The following ITGA7 variants were observed in gnomAD, a reference collection of about 807,000 sequenced individuals.
ITGA7 encodes the protein integrin subunit alpha 7.
A neutral mutation model predicts 131.6 loss-of-function variants in ITGA7; 84 were observed. That is an observed-to-expected ratio of 0.64 (90% CI 0.54 to 0.77). The LOEUF (loss-of-function observed/expected upper bound fraction) is 0.77. ITGA7 is among the 30% of genes least tolerant of loss of function. The pLI, the probability that ITGA7 is intolerant of heterozygous loss-of-function variation, is 0.00. For synonymous variants in ITGA7, 548 were observed against 600.7 expected (o/e 0.91, Z 1.28); for missense variants, 1,399 against 1,482.9 (o/e 0.94, Z 0.93).
At position 55,685,263 on chromosome 12, in the gene ITGA7, T is replaced by G; in HGVS notation, c.3209A>C (p.His1070Pro). ...GTACTGGGGCACGGTGGCCTCGGGG[T>G]GCTTCGCCCGTTTGAAGAATCCCAT... ...WKMGFFKRAK[H>P]PEATVPQYHA... is the part of the protein sequence containing the mutation. Residue 1070 changes from histidine (H) to proline (P), a missense_variant, in exon 25 of 25, where the codon CAC becomes CCC. His to Pro is a moderately conservative substitution (Grantham distance 77). Transcript: ENST00000257879. 1 of 1,614,126 alleles carries G rather than the reference T, an allele frequency of 6.2e-7. No individual in the cohort carries two copies.
At chr12:55,699,776 G>A in intron 5 of ITGA7, 94 bp downstream of exon 5, 2 of 1,437,398 alleles carry the variant, frequency 1.4e-6, no homozygotes, top group South Asian at 1.2e-5. Context: ...GTTGGGGGAG[G>A]AGGAGATTAT....
At chr12:55,711,102 AGTTACATAAGAT>A (rs1205160119), upstream of ITGA7, among the ~76,000 whole-genome samples, 1 of 152,242 alleles carries the variant, frequency 6.6e-6, no homozygotes, top group African/African-American at 2.4e-5. Flanking sequence ...TTTATGCTAC[AGTTACATAAGAT>A]GTCACCATTA....
At chr12:55,690,219 T>C (rs990031269) in intron 21 of ITGA7, among the ~76,000 whole-genome samples, 20 of 152,088 alleles carry the variant, frequency 1.3e-4, no homozygotes, top group Non-Finnish European at 4.4e-5. Context: ...CGCAACCTAC[T>C]CATCTGACAA....
Position 55,697,442 on chromosome 12 carries a change from C to T in ITGA7, c.1505+9G>A, listed in dbSNP as rs1420614579. Reference sequence around the variant, plus strand: ...GCCAGGGTCCAGGTGCCACCCGATCCCACCTCACCAGACCGAGTGGCCGCC... The same window carrying T: ...GCCAGGGTCCAGGTGCCACCCGATCTCACCTCACCAGACCGAGTGGCCGCC... On this transcript the variant is annotated intron_variant, in intron 10 of 24. Coordinates refer to ENST00000257879, the MANE Select transcript of ITGA7 (RefSeq NM_002206.3). 3 of 1,612,814 alleles carry T rather than the reference C, an allele frequency of 1.9e-6. No homozygotes were observed. Among genetic ancestry groups the T allele is most frequent in the South Asian group, 1.1e-5 (1 of 91,068 alleles).
chr12:55,687,169 C>CTTTTTTTTTTT (rs1187388992), intron 24 of ITGA7, among the ~76,000 whole-genome samples: 1 of 88,174 alleles, frequency 1.1e-5, no homozygotes, highest in Non-Finnish European at 2.1e-5. Context: ...CATCTGATTT[C>CTTTTTTTTTTT]TTTTTTTTTT....
chr12:55,695,653 A>G lies in ITGA7; in HGVS notation c.1888-16T>C. The G allele has an allele frequency of 6.3e-7, 1 of 1,584,056 alleles. No homozygotes were observed. On this transcript the variant is annotated splice_polypyrimidine_tract_variant and intron_variant, in intron 13 of 24. Transcript: ENST00000257879. ...GGAAGTGGATCTGGGGAGAGACATG[A>G]GATAAGGGGCATTCCTAGGGGGCAA...
upstream of ITGA7, among the ~76,000 whole-genome samples, chr12:55,709,080 T>A (rs1013863128): frequency 6.6e-6 from 1 of 152,222 alleles, no homozygotes; most frequent in African/African-American, 2.4e-5. Flanking sequence ...GTCTTGTGAA[T>A]ATACATCTGT....
intron 21 of ITGA7, among the ~76,000 whole-genome samples, chr12:55,691,837 A>G: frequency 6.6e-6 from 1 of 152,118 alleles, no homozygotes; most frequent in Non-Finnish European, 1.5e-5. Flanking sequence ...GCAGCTGCTG[A>G]CATTCCCCTG....
At position 55,692,914 on chromosome 12, in the gene ITGA7, C is replaced by T; in HGVS notation, c.2774G>A (p.Gly925Asp). 2 of 1,614,142 alleles carry T rather than the reference C, an allele frequency of 1.2e-6. No homozygotes were observed. Among genetic ancestry groups the T allele is most frequent in the Non-Finnish European group, 1.7e-6 (2 of 1,180,018 alleles). The change falls in exon 21 of 25, where the codon GGT becomes GAT. Residue 925 changes from glycine (G) to aspartate (D), a missense_variant. Gly to Asp is a moderately conservative substitution (Grantham distance 94). Transcript: ENST00000257879. ...GGACATGCTGGGCTCCTGCCGCTCA[C>T]CAGGCTCCTGCTGCTCAGGTGGCTC... ...ELEPPEQQEPGERQEPSMSWW... is the reference protein window; with the variant it reads ...ELEPPEQQEPDERQEPSMSWW...
At chr12:55,686,327 G>A (rs549649533) in intron 24 of ITGA7, 8 of 1,301,772 alleles carry the variant, frequency 6.1e-6, no homozygotes, top group African/African-American at 3.0e-5. Flanking sequence ...AGGATGTCGA[G>A]GGAGAAGCAG....
rs745363829 is a variant in ITGA7 at position 55,696,999 on chromosome 12, A to C, written c.1637T>G (p.Leu546Arg). 1 of 1,614,044 alleles carries C rather than the reference A, an allele frequency of 6.2e-7. No individual in the cohort carries two copies. The highest frequency in any genetic ancestry group is 1.7e-5 in the Admixed American group (1 of 60,002). The change falls in exon 12 of 25, where the codon CTG becomes CGG. Residue 546 changes from leucine to arginine, a missense_variant. Coordinates refer to ENST00000257879, the MANE Select transcript of ITGA7 (RefSeq NM_002206.3). ...LRGQVPRVTF[L>R]SRNLEEPKHQ... ...CTTGGGTTCTTCCAGGTTACGGCTC[A>C]GGAACGTCACACGGGGAACCTGGCC...
At position 55,687,168 on chromosome 12, in the gene ITGA7, TC is replaced by T. The variant is rs1343350617; in HGVS notation, c.3183+802del. 3.3e-3 allele frequency among the ~76,000 whole-genome samples: 473 copies of T among 144,964 alleles called. 3 individuals are homozygous for T. The highest frequency in any genetic ancestry group is 0.012 in the African/African-American group (453 of 37,230). On this transcript the variant is annotated intron_variant, in intron 24 of 24. Transcript: ENST00000257879. ...CTGAGAACGAGATCTGCATCTGATT[TC>T]TTTTTTTTTTTTTTTTTTTTTTTTT...
chr12:55,693,634 C>G (rs1342204119), intron 19 of ITGA7, among the ~76,000 whole-genome samples: 1 of 152,084 alleles, frequency 6.6e-6, no homozygotes, highest in African/African-American at 2.4e-5. Context: ...TTCTCTCCAC[C>G]CACCAAATCC....
Position 55,703,100 on chromosome 12 carries a change from C to A in ITGA7, c.285G>T (p.Pro95=), listed in dbSNP as rs17854601. The A allele has an allele frequency of 0.023, 37,113 of 1,614,030 alleles. 523 individuals are homozygous for A. The highest frequency in any genetic ancestry group is 0.026 in the Non-Finnish European group (30,874 of 1,180,024). ...ANRTGGLFAC[P]LSLEETDCYR... The stretch of plus-strand genomic sequence containing the variant: ...AGCAGTCAGTCTCCTCCAGGCTCAA[C>A]GGGCAAGCGAAGAGGCCTCCAGTGC... Residue 95 remains proline (P), a synonymous_variant, in exon 2 of 25, where the codon CCG becomes CCT. Transcript: ENST00000257879.
rs200220443 is a variant in ITGA7 at position 55,705,378 on chromosome 12, A to AG, written c.206+2098_206+2099insC. On this transcript the variant is annotated intron_variant, in intron 1 of 24. Coordinates refer to ENST00000257879, the MANE Select transcript of ITGA7 (RefSeq NM_002206.3). ...CCACTGCAGAGAGAAAAGCAAAAAAAAAAAAAAAAAAGTGTTGGCAGCTGG... is the reference window on the plus strand; with the variant it reads ...CCACTGCAGAGAGAAAAGCAAAAAAAGAAAAAAAAAAAGTGTTGGCAGCTGG... Among the ~76,000 whole-genome samples the AG allele has an allele frequency of 6.6e-3, 1,005 of 152,162 alleles. 9 individuals carry two copies. The highest frequency in any genetic ancestry group is 0.023 in the African/African-American group (940 of 41,492).
intron 3 of ITGA7, chr12:55,701,363 A>C (rs755165599): frequency 1.3e-6 from 2 of 1,552,586 alleles, no homozygotes; most frequent in Non-Finnish European, 1.7e-6. Context: ...TAACCCAGCA[A>C]CCTGTCTGCA....
chr12:55,697,336 C>T, intron 10 of ITGA7, 59 bp from the exon 11 acceptor site: 1 of 1,577,928 alleles, frequency 6.3e-7, no homozygotes, highest in Non-Finnish European at 8.6e-7. Context: ...GGCCCCTACC[C>T]CCACCCCATC....
chr12:55,688,614 T>C (rs927649060), intron 22 of ITGA7, among the ~76,000 whole-genome samples: 2 of 151,470 alleles, frequency 1.3e-5, no homozygotes, highest in Admixed American at 6.6e-5. Context: ...TCTCAGCTAC[T>C]CAGGAGGCTG....
rs765976001 is a variant in ITGA7, at chr12:55,696,440, G to A, written c.1738-8C>T. The A allele has an allele frequency of 6.3e-7, 1 of 1,593,734 alleles. No individual in the cohort carries two copies. The highest frequency in any genetic ancestry group is 1.7e-5 in the Admixed American group (1 of 57,728). ...CTTGTCTTTGACATTTTCCTAGGAAGAGGAAGGTCTATTCCTCACTGGAAC... is the reference window on the plus strand; with the variant it reads ...CTTGTCTTTGACATTTTCCTAGGAAAAGGAAGGTCTATTCCTCACTGGAAC... On this transcript the variant is annotated splice_region_variant and splice_polypyrimidine_tract_variant and intron_variant, in intron 12 of 24. Coordinates refer to ENST00000257879, the MANE Select transcript of ITGA7 (RefSeq NM_002206.3).
Sources: gnomAD v4.1 joint callset for allele counts (sites outside exome capture counted in the v4.1 genomes callset) on GRCh38, gnomAD v4.1.1 for gene constraint, MANE v1.5 for transcripts, NCBI Gene and HGNC (gene_info 2026-07-23, HGNC 2026-07-21) for gene names.